The following SLCO5A1 variants were observed in gnomAD, a reference collection of about 807,000 sequenced individuals.
The protein encoded by SLCO5A1 is solute carrier organic anion transporter family member 5A1, also known as organic anion transporter polypeptide-related protein 4.
In SLCO5A1, 39 loss-of-function variants were observed where a neutral mutation model predicts 65.1. The observed-to-expected ratio is 0.60, with a 90% CI of 0.46 to 0.78. The LOEUF is 0.78. Ranked by LOEUF, SLCO5A1 falls within the 30% of genes least tolerant of loss-of-function variation. The pLI is 0.00. For synonymous variants in SLCO5A1, 438 were observed against 415.7 expected, an observed-to-expected ratio of 1.05 and a Z score of -0.65; for missense variants, 1,029 against 1,069.4, an observed-to-expected ratio of 0.96 and a Z score of 0.53.
chr8:69,689,954 A>G (rs1229356468), intron 6 of SLCO5A1, among the ~76,000 whole-genome samples: 1 of 152,156 alleles, frequency 6.6e-6, no homozygotes, highest in East Asian at 1.9e-4. Flanking sequence ...CACGATATTG[A>G]TTCTTCCTAC....
At chr8:69,780,831 A>C (rs2130882397) in intron 2 of SLCO5A1, among the ~76,000 whole-genome samples, 1 of 152,276 alleles carries the variant, frequency 6.6e-6, no homozygotes, top group African/African-American at 2.4e-5. Flanking sequence ...AATAAAAAAG[A>C]AGCATACAGG....
chr8:69,792,918 GT>G (rs545046635), intron 2 of SLCO5A1, among the ~76,000 whole-genome samples: 29 of 151,818 alleles, frequency 1.9e-4, no homozygotes, highest in East Asian at 3.9e-4. Flanking sequence ...CTGTTTTGGG[GT>G]TTTTTTAAGG....
intron 4 of SLCO5A1, among the ~76,000 whole-genome samples, chr8:69,742,012 G>A (rs1362370312): frequency 2.0e-5 from 3 of 152,188 alleles, no homozygotes; most frequent in Non-Finnish European, 2.9e-5. Context: ...CCAGATCAAT[G>A]TGAATTGCCT....
chr8:69,750,437 G>A (rs538232641), intron 4 of SLCO5A1, among the ~76,000 whole-genome samples: 10 of 151,960 alleles, frequency 6.6e-5, no homozygotes, highest in East Asian at 5.8e-4. Context: ...CCCATTCCCC[G>A]TTAGAAAAGA....
chr8:69,823,009 A>G (rs573882781), intron 2 of SLCO5A1, among the ~76,000 whole-genome samples: 2 of 152,232 alleles, frequency 1.3e-5, no homozygotes, highest in African/African-American at 4.8e-5. Flanking sequence ...TTGATCCTGA[A>G]TATCACCCAA....
At chr8:69,758,066 T>C (rs1817603090) in intron 3 of SLCO5A1, among the ~76,000 whole-genome samples, 1 of 152,248 alleles carries the variant, frequency 6.6e-6, no homozygotes, top group South Asian at 2.1e-4. Flanking sequence ...TTGGGGATCA[T>C]CAAAATTAAA....
chr8:69,719,292 A>C (rs1263070427), intron 5 of SLCO5A1, among the ~76,000 whole-genome samples: 1 of 152,170 alleles, frequency 6.6e-6, no homozygotes, highest in Non-Finnish European at 1.5e-5. Context: ...AGACATGCAC[A>C]ATTCCACCAG....
intron 2 of SLCO5A1, among the ~76,000 whole-genome samples, chr8:69,808,136 G>C (rs1037327501): frequency 6.6e-6 from 1 of 151,430 alleles, no homozygotes; most frequent in Non-Finnish European, 1.5e-5. Flanking sequence ...ATAGATGTGC[G>C]AGGTTTCTTT....
chr8:69,758,150 G>A (rs1279991063), intron 3 of SLCO5A1, among the ~76,000 whole-genome samples: 1 of 152,048 alleles, frequency 6.6e-6, no homozygotes. Flanking sequence ...AGCTAGTTTT[G>A]TGTGTCTGGT....
intron 2 of SLCO5A1, among the ~76,000 whole-genome samples, chr8:69,792,851 A>G (rs1819328626): frequency 6.6e-6 from 1 of 152,230 alleles, no homozygotes. Context: ...AGCACTAATC[A>G]TAGGACTTAA....
chr8:69,731,138 T>C (rs1054704647), intron 5 of SLCO5A1, among the ~76,000 whole-genome samples: 13 of 152,168 alleles, frequency 8.5e-5, no homozygotes, highest in Non-Finnish European at 1.9e-4. Context: ...TAGCTGGGAT[T>C]ATAGGCACGT....
chr8:69,687,758 G>T (rs1303375936), intron 6 of SLCO5A1, among the ~76,000 whole-genome samples: 1 of 151,852 alleles, frequency 6.6e-6, no homozygotes, highest in Non-Finnish European at 1.5e-5. Flanking sequence ...TACCAAGATT[G>T]TATGTAAAGT....
At chr8:69,764,428 T>A (rs1473850326) in intron 2 of SLCO5A1, among the ~76,000 whole-genome samples, 1 of 152,192 alleles carries the variant, frequency 6.6e-6, no homozygotes, top group East Asian at 1.9e-4. Flanking sequence ...ATTTAACACC[T>A]GCTCTCACTT....
intron 2 of SLCO5A1, among the ~76,000 whole-genome samples, chr8:69,787,450 A>G (rs944909262): frequency 6.6e-6 from 1 of 152,222 alleles, no homozygotes; most frequent in African/African-American, 2.4e-5. Flanking sequence ...GGATGATAAC[A>G]TGACTTCAGG....
chr8:69,831,293 G>C (rs1245242531), intron 2 of SLCO5A1, among the ~76,000 whole-genome samples: 2 of 151,810 alleles, frequency 1.3e-5, no homozygotes, highest in African/African-American at 4.8e-5. Context: ...AAGAAACACA[G>C]GTATGAAGGC....
Position 69,763,374 on chromosome 8 carries a change from G to A in SLCO5A1, c.908-1499C>T, listed in dbSNP as rs186733706. ...TCATGCCTATAATCCCAGAACTTTG[G>A]GAGGCTGAGGCAGGTGGATCACTTG... is the stretch of plus-strand genomic sequence containing the variant. On this transcript the variant is annotated intron_variant, in intron 2 of 9. Coordinates refer to ENST00000260126, the MANE Select transcript of SLCO5A1 (RefSeq NM_030958.3). Among the ~76,000 whole-genome samples the A allele has an allele frequency of 2.0e-5, 3 of 151,512 alleles. No homozygotes were observed. The East Asian group carries it at 5.8e-4, about 29-fold the overall frequency.
At chr8:69,701,970 G>A (rs542629028) in intron 6 of SLCO5A1, among the ~76,000 whole-genome samples, 1 of 152,254 alleles carries the variant, frequency 6.6e-6, no homozygotes, top group South Asian at 2.1e-4. Context: ...TGCCAAGCTA[G>A]GAAGTCACAA....
intron 2 of SLCO5A1, among the ~76,000 whole-genome samples, chr8:69,805,146 G>T (rs971934679): frequency 2.0e-5 from 3 of 151,800 alleles, no homozygotes; most frequent in Admixed American, 2.0e-4. Context: ...TGAAGCAGAA[G>T]GTGACAGGCT....
intron 2 of SLCO5A1, among the ~76,000 whole-genome samples, chr8:69,813,240 T>C (rs796262863): frequency 6.6e-5 from 10 of 152,236 alleles, no homozygotes; most frequent in African/African-American, 2.2e-4. Context: ...TTTGTAAGAA[T>C]TTAAAGTGAA....
Sources: gnomAD v4.1 joint callset for allele counts (sites outside exome capture counted in the v4.1 genomes callset) on GRCh38, gnomAD v4.1.1 for gene constraint, MANE v1.5 for transcripts, NCBI Gene and HGNC (gene_info 2026-07-23, HGNC 2026-07-21) for gene names.